TRAPPC9: variants seen among roughly 807,000 people sequenced by gnomAD.
TRAPPC9 encodes the protein IKK2 binding protein.
A neutral mutation model predicts 124.0 loss-of-function variants in TRAPPC9; 83 were observed. The ratio of observed to expected loss-of-function variants is 0.67; its 90% CI spans 0.56 to 0.80. The LOEUF is 0.80. Ranked by LOEUF, TRAPPC9 falls within the 30% of genes least tolerant of loss-of-function variation. The pLI is 0.00. For missense variants in TRAPPC9, 1,302 were observed against 1,508.3 expected (o/e 0.86, Z 2.27); for synonymous variants, 638 against 617.5 (o/e 1.03, Z -0.49).
chr8:140,340,336 T>C (rs1588176260), intron 9 of TRAPPC9, among the ~76,000 whole-genome samples: 1 of 152,228 alleles, frequency 6.6e-6, no homozygotes, highest in East Asian at 1.9e-4. Context: ...CTTTCAATAA[T>C]ACCCACTGAA....
At chr8:139,734,922 C>T (rs59699385) in intron 21 of TRAPPC9, among the ~76,000 whole-genome samples, 2,026 of 152,334 alleles carry the variant, frequency 0.013, 45 homozygotes, top group African/African-American at 0.046. Flanking sequence ...CTATGATTTG[C>T]CCTCAAATCC....
At chr8:139,816,981 G>A (rs191319759) in intron 21 of TRAPPC9, among the ~76,000 whole-genome samples, 4 of 151,062 alleles carry the variant, frequency 2.6e-5, no homozygotes, top group Admixed American at 2.0e-4. Flanking sequence ...ATATTATCTT[G>A]CATTTTTGAT....
intron 2 of TRAPPC9, 24 bp from the exon 3 acceptor site, chr8:140,439,221 C>A (rs138202631): frequency 6.2e-7 from 1 of 1,612,772 alleles, no homozygotes; most frequent in African/African-American, 1.3e-5. Context: ...GAAAATGTAT[C>A]TTTATTACTA....
At chr8:140,173,505 G>A (rs2062005678) in intron 17 of TRAPPC9, among the ~76,000 whole-genome samples, 1 of 142,258 alleles carries the variant, frequency 7.0e-6, no homozygotes, top group Non-Finnish European at 1.5e-5. Context: ...AGTGAGCCGA[G>A]ATCGCACCAC....
At chr8:140,430,856 T>C (rs2070613527) in intron 4 of TRAPPC9, among the ~76,000 whole-genome samples, 1 of 151,902 alleles carries the variant, frequency 6.6e-6, no homozygotes, top group African/African-American at 2.4e-5. Flanking sequence ...CCCAGGCTGG[T>C]CTCAAATTCC....
At chr8:140,253,036 A>C in intron 15 of TRAPPC9, 107 bp from the exon 16 acceptor site, 1 of 1,136,890 alleles carries the variant, frequency 8.8e-7, no homozygotes, top group South Asian at 1.3e-5. Context: ...AAGGAAAAAG[A>C]AGAGCTTTTA....
chr8:140,304,558 G>A (rs1256010971), intron 10 of TRAPPC9, among the ~76,000 whole-genome samples: 3 of 152,172 alleles, frequency 2.0e-5, no homozygotes, highest in Non-Finnish European at 4.4e-5. Context: ...GAGATGAGGA[G>A]CAAGGATTTA....
chr8:140,156,439 A>C (rs1474153518), intron 17 of TRAPPC9, among the ~76,000 whole-genome samples: 1 of 152,270 alleles, frequency 6.6e-6, no homozygotes, highest in Non-Finnish European at 1.5e-5. Flanking sequence ...GTACTCTGTG[A>C]AACTTGGGTT....
rs538168663 is a variant in TRAPPC9, at chr8:139,815,792, C to T, written c.3055+70087G>A. ...GGGAAGGTGGGGTGAGCAGTGGCTCCGGGGATCACCAGCAGGGGAACACAC... is the reference window on the plus strand; with the variant it reads ...GGGAAGGTGGGGTGAGCAGTGGCTCTGGGGATCACCAGCAGGGGAACACAC... On this transcript the variant is annotated intron_variant, in intron 21 of 22. Coordinates refer to ENST00000438773, the MANE Select transcript of TRAPPC9 (RefSeq NM_001160372.4). Among the ~76,000 whole-genome samples, 3 of 152,292 alleles carry T rather than the reference C, an allele frequency of 2.0e-5. No homozygotes were observed. The South Asian group carries it at 6.2e-4, about 32-fold the overall frequency.
At chr8:139,963,892 T>C (rs1321074570) in intron 19 of TRAPPC9, among the ~76,000 whole-genome samples, 1 of 151,942 alleles carries the variant, frequency 6.6e-6, no homozygotes, top group African/African-American at 2.4e-5. Context: ...TAAATTATGG[T>C]ATATATGTAG....
intron 21 of TRAPPC9, among the ~76,000 whole-genome samples, chr8:139,743,006 G>T (rs767449174): frequency 6.6e-6 from 1 of 152,190 alleles, no homozygotes; most frequent in Non-Finnish European, 1.5e-5. Context: ...CACAAGCCAT[G>T]TCTGCCTCAC....
At position 139,730,792 on chromosome 8, in the gene TRAPPC9, C is replaced by G. The variant is rs991157935; in HGVS notation, c.*269G>C. On this transcript the variant is annotated 3_prime_UTR_variant, in exon 23 of 23. Coordinates refer to ENST00000438773, the MANE Select transcript of TRAPPC9 (RefSeq NM_001160372.4). The stretch of plus-strand genomic sequence containing the variant: ...CCTGGGACCTGGGCTGGATGGGCAC[C>G]CGCTTTGGGATTTCCTCTGCTTCAG... 9.9e-6 allele frequency: 5 copies of G among 506,188 alleles called. No homozygotes were observed. The highest frequency in any genetic ancestry group is 1.8e-5 in the Non-Finnish European group (5 of 281,232). The allele number at this position is 506,188 out of a possible 1,614,324, so 31.4% of individuals were successfully genotyped here.
intron 19 of TRAPPC9, among the ~76,000 whole-genome samples, chr8:139,926,421 C>A (rs1206324204): frequency 1.3e-5 from 2 of 152,048 alleles, no homozygotes; most frequent in Non-Finnish European, 2.9e-5. Context: ...AATGGGTACC[C>A]CAAGATCACC....
At chr8:140,057,317 C>G (rs996075634) in intron 17 of TRAPPC9, among the ~76,000 whole-genome samples, 5 of 152,128 alleles carry the variant, frequency 3.3e-5, no homozygotes, top group African/African-American at 1.2e-4. Context: ...ACTAAATGAT[C>G]CAGCAATTCT....
At chr8:139,971,798 TATATAC>T (rs1236443999) in intron 19 of TRAPPC9, among the ~76,000 whole-genome samples, 3,313 of 8,766 alleles carry the variant, frequency 0.38, 124 homozygotes, top group African/African-American at 0.48. Flanking sequence ...TACACATATA[TATATAC>T]ATATATATAT....
intron 19 of TRAPPC9, among the ~76,000 whole-genome samples, chr8:139,970,882 T>C (rs919113271): frequency 6.6e-6 from 1 of 152,046 alleles, no homozygotes; most frequent in Admixed American, 6.6e-5. Flanking sequence ...GCCACGTGGC[T>C]AGACAACCTC....
chr8:139,759,151 A>G (rs1198711404), intron 21 of TRAPPC9, among the ~76,000 whole-genome samples: 2 of 152,202 alleles, frequency 1.3e-5, no homozygotes, highest in Non-Finnish European at 2.9e-5. Context: ...CAGATGAGGA[A>G]ACCGAGGGTC....
At chr8:140,019,190 T>A (rs1839667645) in intron 18 of TRAPPC9, among the ~76,000 whole-genome samples, 1 of 152,218 alleles carries the variant, frequency 6.6e-6, no homozygotes, top group Admixed American at 6.5e-5. Flanking sequence ...CTTTCATATA[T>A]CACTGAAGTT....
intron 21 of TRAPPC9, among the ~76,000 whole-genome samples, chr8:139,836,061 C>T (rs574174099): frequency 5.9e-5 from 9 of 151,980 alleles, no homozygotes; most frequent in South Asian, 4.2e-4. Context: ...CAGGCTGGAG[C>T]GCAGTGGTAC....
Sources: allele counts gnomAD v4.1 joint callset (sites outside exome capture counted in the v4.1 genomes callset), GRCh38; gene constraint gnomAD v4.1.1; transcripts MANE v1.5; gene names NCBI Gene and HGNC (gene_info 2026-07-23, HGNC 2026-07-21).